GRIK2: variants seen among roughly 807,000 people sequenced by gnomAD.
GRIK2 encodes glutamate ionotropic receptor kainate type subunit 2.
GRIK2 carries 32 observed loss-of-function variants against 100.3 expected under a neutral mutation model. The ratio of observed to expected loss-of-function variants is 0.32; its 90% confidence interval spans 0.24 to 0.43. GRIK2 has a LOEUF of 0.43. Among genes scored for constraint, GRIK2 ranks in the 20% least tolerant of loss-of-function variants. The pLI, the probability that GRIK2 is intolerant of heterozygous loss-of-function variation, is 1.00. For missense variants in GRIK2, 843 were observed against 1,114.9 expected (o/e 0.76, Z 3.47); for synonymous variants, 417 against 389.4 (o/e 1.07, Z -0.83).
intron 2 of GRIK2, among the ~76,000 whole-genome samples, chr6:101,502,724 A>G (rs910595329): frequency 1.3e-5 from 2 of 152,186 alleles, no homozygotes; most frequent in African/African-American, 4.8e-5. Flanking sequence ...ATGGGTTCCA[A>G]TTCAGTGTGC....
intron 2 of GRIK2, among the ~76,000 whole-genome samples, chr6:101,610,866 G>T (rs1454065639): frequency 4.0e-5 from 6 of 151,572 alleles, no homozygotes; most frequent in Admixed American, 3.3e-4. Context: ...TTATAATTAT[G>T]TGACTACCTT....
Position 101,621,953 on chromosome 6 carries a change from T to C in GRIK2, c.120T>C (p.Gly40=). 1 of 1,598,516 alleles carries C rather than the reference T, an allele frequency of 6.3e-7. No homozygotes were observed. Among genetic ancestry groups the C allele is most frequent in the Non-Finnish European group, 8.6e-7 (1 of 1,166,950 alleles). ...TTTTCTCTTTCTTTTTGCCAGGTGGTATTTTTGAATATGTGGAATCTGGCC... is the reference window on the plus strand; with the variant it reads ...TTTTCTCTTTCTTTTTGCCAGGTGGCATTTTTGAATATGTGGAATCTGGCC... ...QGTTHVLRFG[G]IFEYVESGPM... The change falls in exon 3 of 17, where the codon GGT becomes GGC. Residue 40 remains glycine, a synonymous_variant. Coordinates refer to ENST00000369134, the MANE Select transcript of GRIK2 (RefSeq NM_021956.5).
intron 9 of GRIK2, among the ~76,000 whole-genome samples, chr6:101,810,321 T>C (rs916732458): frequency 4.6e-5 from 7 of 151,976 alleles, no homozygotes; most frequent in African/African-American, 1.7e-4. Flanking sequence ...TGCCCTAAAC[T>C]AAAATAAAAA....
chr6:101,627,975 G>A (rs535852697), intron 4 of GRIK2, among the ~76,000 whole-genome samples: 25 of 152,198 alleles, frequency 1.6e-4, no homozygotes, highest in Non-Finnish European at 2.8e-4. Flanking sequence ...GCTTACTATA[G>A]AGTGATAATT....
intron 7 of GRIK2, among the ~76,000 whole-genome samples, chr6:101,732,367 C>T (rs1186194576): frequency 6.6e-6 from 1 of 151,880 alleles, no homozygotes; most frequent in African/African-American, 2.4e-5. Context: ...GGAAACATTA[C>T]TTTATTGAGA....
At chr6:101,527,380 TC>T (rs1342720403) in intron 2 of GRIK2, among the ~76,000 whole-genome samples, 1 of 151,898 alleles carries the variant, frequency 6.6e-6, no homozygotes, top group Non-Finnish European at 1.5e-5. Flanking sequence ...AGAAAGGAGG[TC>T]TCATAACAAT....
chr6:102,000,303 G>T (rs1353717816), intron 14 of GRIK2, among the ~76,000 whole-genome samples: 2 of 148,178 alleles, frequency 1.3e-5, no homozygotes, highest in East Asian at 2.0e-4. Context: ...TGATACGGAG[G>T]GTACACATGC....
chr6:101,907,825 G>A (rs1250067251), intron 12 of GRIK2, among the ~76,000 whole-genome samples: 13 of 151,576 alleles, frequency 8.6e-5, no homozygotes, highest in Non-Finnish European at 1.8e-4. Flanking sequence ...TATGTAGTGT[G>A]TAGCAATATG....
chr6:101,591,997 G>T (rs1169659227), intron 2 of GRIK2, among the ~76,000 whole-genome samples: 1 of 151,892 alleles, frequency 6.6e-6, no homozygotes. Flanking sequence ...CCTTGCTGGT[G>T]AACGAATTCT....
intron 2 of GRIK2, among the ~76,000 whole-genome samples, chr6:101,473,097 TTTCCTTCC>T (rs202063345): frequency 0.085 from 11,294 of 133,176 alleles, 634 homozygotes; most frequent in Non-Finnish European, 0.1. Context: ...AATCCTAGGT[TTTCCTTCC>T]TTCCTTCCTT....
At chr6:101,995,948 T>C (rs78887269) in intron 14 of GRIK2, among the ~76,000 whole-genome samples, 1,866 of 152,148 alleles carry the variant, frequency 0.012, 48 homozygotes, top group African/African-American at 0.042. Flanking sequence ...GATAAATTCA[T>C]AGTATGCTAG....
intron 10 of GRIK2, among the ~76,000 whole-genome samples, chr6:101,835,169 AT>A (rs1782986936): frequency 6.6e-6 from 1 of 152,044 alleles, no homozygotes; most frequent in Non-Finnish European, 1.5e-5. Flanking sequence ...AATTTTTTCA[AT>A]TTTCACATTT....
intron 2 of GRIK2, among the ~76,000 whole-genome samples, chr6:101,616,483 A>G (rs1477236551): frequency 1.3e-5 from 2 of 151,814 alleles, no homozygotes; most frequent in African/African-American, 4.8e-5. Flanking sequence ...TACCTTCTAT[A>G]GAATAATTTT....
chr6:101,769,854 A>G (rs1223349933), intron 7 of GRIK2, among the ~76,000 whole-genome samples: 4 of 152,202 alleles, frequency 2.6e-5, no homozygotes, highest in African/African-American at 9.6e-5. Flanking sequence ...TTCAAAGAGA[A>G]AAAGCAGGAA....
At chr6:101,913,507 A>G (rs1304048500) in intron 12 of GRIK2, among the ~76,000 whole-genome samples, 1 of 151,630 alleles carries the variant, frequency 6.6e-6, no homozygotes, top group Admixed American at 6.6e-5. Flanking sequence ...TAAAATTAAA[A>G]TGACATACTT....
chr6:101,712,275 A>G (rs548840388), intron 7 of GRIK2, among the ~76,000 whole-genome samples: 29 of 151,928 alleles, frequency 1.9e-4, no homozygotes, highest in Middle Eastern at 3.4e-3. Context: ...ATCAACATCC[A>G]TGCAGAAATA....
At chr6:101,851,957 C>CAAAA (rs35210713) in intron 10 of GRIK2, among the ~76,000 whole-genome samples, 13 of 130,162 alleles carry the variant, frequency 1.0e-4, no homozygotes, top group African/African-American at 2.3e-4. Flanking sequence ...TGACTATGGG[C>CAAAA]AAAAAAAAAA....
chr6:101,822,102 T>C (rs1217671402), intron 10 of GRIK2, among the ~76,000 whole-genome samples: 3 of 151,804 alleles, frequency 2.0e-5, no homozygotes, highest in East Asian at 3.9e-4. Context: ...GAATATGTAT[T>C]GAATAATAAT....
At chr6:101,622,260 A>C in intron 3 of GRIK2, 144 bp downstream of exon 3, 2 of 546,050 alleles carry the variant, frequency 3.7e-6, no homozygotes, top group Non-Finnish European at 6.4e-6. Flanking sequence ...ATGCATATAA[A>C]TTTTATCAGA....
Sources: gnomAD v4.1 joint callset for allele counts (sites outside exome capture counted in the v4.1 genomes callset) on GRCh38, gnomAD v4.1.1 for gene constraint, MANE v1.5 for transcripts, NCBI Gene and HGNC (gene_info 2026-07-23, HGNC 2026-07-21) for gene names.